ZNF787: variants seen among roughly 807,000 people sequenced by gnomAD.
ZNF787 encodes the protein TTF-I-interacting peptide 20.
ZNF787 carries 7 observed loss-of-function variants against 16.9 expected under a neutral mutation model. The ratio of observed to expected loss-of-function variants is 0.42; its 90% CI spans 0.24 to 0.78. ZNF787 has a LOEUF of 0.78. Ranked by LOEUF, ZNF787 falls within the 30% of genes least tolerant of loss-of-function variation. The probability of loss-of-function intolerance (pLI) is 0.30; values close to 1 mark genes in which losing one functional copy is unlikely to be tolerated. For synonymous variants in ZNF787, 345 were observed against 270.9 expected (o/e 1.27, Z -2.69); for missense variants, 551 against 589.3 (o/e 0.94, Z 0.67).
chr19:56,088,652 C>T lies in ZNF787; in HGVS notation c.520G>A (p.Gly174Ser), dbSNP rs781671876. 6.4e-7 allele frequency: 1 copy of T among 1,555,442 alleles called. No homozygotes were observed. Among genetic ancestry groups the T allele is most frequent in the East Asian group, 2.4e-5 (1 of 42,336 alleles). Reference protein sequence around the residue: ...SLAKHRRSHSGLKPFVCPRCG... With the variant: ...SLAKHRRSHSSLKPFVCPRCG... Reference sequence around the variant, plus strand: ...CGCGGGCACACGAAGGGCTTGAGGCCGCTGTGCGAGCGCCGGTGCTTGGCC... The same window carrying T: ...CGCGGGCACACGAAGGGCTTGAGGCTGCTGTGCGAGCGCCGGTGCTTGGCC... Residue 174 changes from glycine to serine, a missense_variant, in exon 3 of 3, where the codon GGC (glycine) becomes AGC (serine). Gly to Ser is a moderately conservative substitution (Grantham distance 56). Transcript: ENST00000610935. This position sits in a 1 kb window ranked among gnomAD's most constrained non-coding sequence, Gnocchi z 8.6.
intron 2 of ZNF787, 30 bp from the exon 3 acceptor site, chr19:56,089,122 G>T: frequency 7.1e-7 from 1 of 1,410,212 alleles, no homozygotes. Context: ...GGGGAGGTGA[G>T]TCAAGAGAGG....
intron 2 of ZNF787, among the ~76,000 whole-genome samples, chr19:56,098,539 G>A (rs904940424): frequency 4.1e-5 from 6 of 144,716 alleles, no homozygotes; most frequent in Non-Finnish European, 7.5e-5. Context: ...TGCCACCAGG[G>A]TGATATGGCC....
intron 1 of ZNF787, among the ~76,000 whole-genome samples, chr19:56,106,256 G>C (rs543568312): frequency 5.3e-5 from 8 of 152,216 alleles, no homozygotes; most frequent in Non-Finnish European, 1.0e-4. Flanking sequence ...GTGCTGCGGC[G>C]TGCCAGCGTG....
intron 2 of ZNF787, among the ~76,000 whole-genome samples, chr19:56,097,702 G>T (rs1038360755): frequency 6.6e-6 from 1 of 152,246 alleles, no homozygotes; most frequent in Admixed American, 6.5e-5. Context: ...CGGCGCGAGG[G>T]ATCAACTACC....
Position 56,102,487 on chromosome 19 carries a change from G to A in ZNF787, c.79+652C>T, listed in dbSNP as rs114543182. ...CAGGGGCCACAGTGAGGTCACCATG[G>A]GGCCTTCGCAAGCAAACCTGGGCCC... On this transcript the variant is annotated intron_variant, in intron 2 of 2. Coordinates refer to ENST00000610935, the MANE Select transcript of ZNF787 (RefSeq NM_001002836.4). 2.1e-3 allele frequency: 411 copies of A among 192,638 alleles called. 1 individual carries two copies. The highest frequency in any genetic ancestry group is 9.2e-3 in the African/African-American group (394 of 42,800). 11.9% of individuals were successfully genotyped at this position (192,638 alleles called of 1,614,324 possible).
intron 2 of ZNF787, among the ~76,000 whole-genome samples, chr19:56,098,037 G>A (rs1263178048): frequency 6.6e-6 from 1 of 151,756 alleles, no homozygotes; most frequent in Non-Finnish European, 1.5e-5. Flanking sequence ...CCCCACCCCC[G>A]ACCCAGGTCT....
intron 1 of ZNF787, among the ~76,000 whole-genome samples, chr19:56,108,464 T>C (rs2029891249): frequency 6.7e-6 from 1 of 149,444 alleles, no homozygotes; most frequent in South Asian, 2.1e-4. Flanking sequence ...AGCTGCCTCC[T>C]CTGGACTCCA....
rs145880461 is a variant in ZNF787 at position 56,089,256 on chromosome 19, A to AC, written c.80-165dup. Among the ~76,000 whole-genome samples, 792 of 152,000 alleles carry AC rather than the reference A, an allele frequency of 5.2e-3. 2 individuals are homozygous for AC. The highest frequency in any genetic ancestry group is 0.017 in the African/African-American group (718 of 41,436). ...CCCTGCATTTTACTAAGTATTTATT[A>AC]CCCCTCTCCCCAGCTAAGACCTCAG... On this transcript the variant is annotated intron_variant, in intron 2 of 2. Coordinates refer to ENST00000610935, the MANE Select transcript of ZNF787 (RefSeq NM_001002836.4).
At chr19:56,110,863 G>A (rs942042522) in intron 1 of ZNF787, among the ~76,000 whole-genome samples, 2 of 152,196 alleles carry the variant, frequency 1.3e-5, no homozygotes, top group East Asian at 1.9e-4. Flanking sequence ...CACTCAGCAG[G>A]GATCTGCCGC....
intron 2 of ZNF787, among the ~76,000 whole-genome samples, chr19:56,089,457 G>A (rs565287842): frequency 3.8e-4 from 58 of 152,278 alleles, no homozygotes; most frequent in African/African-American, 1.3e-3. Flanking sequence ...GGACGCCGGG[G>A]GCAGAGGATG....
chr19:56,088,040 CGCGGCACTCGGGG>C lies in ZNF787; in HGVS notation c.1119_1131del (p.Cys373TrpfsTer137). 1 of 1,347,048 alleles carries C rather than the reference CGCGGCACTCGGGG, an allele frequency of 7.4e-7. No individual in the cohort carries two copies. The highest frequency in any genetic ancestry group is 9.5e-7 in the Non-Finnish European group (1 of 1,051,616). The allele number at this position is 1,347,048 out of a possible 1,614,324, so 83.4% of individuals were successfully genotyped here. ...CCCCTCCCCTACCGGCCCTCCCCAC[CGCGGCACTCGGGG>C]CACCGCCCGCCCGCGGCCTCGTCGT... On this transcript the variant is annotated frameshift_variant, in exon 3 of 3. Transcript: ENST00000610935. LOFTEE classifies it high-confidence loss of function. This position sits in a 1 kb window ranked among gnomAD's most constrained non-coding sequence, Gnocchi z 8.6.
intron 1 of ZNF787, among the ~76,000 whole-genome samples, chr19:56,113,905 C>T (rs1018312344): frequency 1.3e-5 from 2 of 152,208 alleles, no homozygotes; most frequent in African/African-American, 4.8e-5. Context: ...TCTCGGCTCA[C>T]TGCAACCTTC....
intron 1 of ZNF787, among the ~76,000 whole-genome samples, chr19:56,109,503 T>C (rs2029918046): frequency 6.6e-6 from 1 of 152,214 alleles, no homozygotes; most frequent in Admixed American, 6.5e-5. Flanking sequence ...AGGATTTTAG[T>C]TACTTTTTCA....
At chr19:56,093,023 G>A (rs1252655744) in intron 2 of ZNF787, among the ~76,000 whole-genome samples, 2 of 151,492 alleles carry the variant, frequency 1.3e-5, no homozygotes, top group South Asian at 2.1e-4. Flanking sequence ...TGGCGGAAGT[G>A]GGCTACCCCA....
chr19:56,096,079 T>C (rs1985856200), intron 2 of ZNF787, among the ~76,000 whole-genome samples: 6 of 152,182 alleles, frequency 3.9e-5, no homozygotes, highest in Admixed American at 3.9e-4. Context: ...CTGTGGCTGC[T>C]CTGCCATCAC....
intron 2 of ZNF787, among the ~76,000 whole-genome samples, chr19:56,100,780 T>C (rs1448847077): frequency 0.017 from 741 of 42,354 alleles, no homozygotes; most frequent in Middle Eastern, 0.057. Flanking sequence ...ACAGGAGGAA[T>C]GCACGTAAGC....
intron 2 of ZNF787, among the ~76,000 whole-genome samples, chr19:56,100,804 C>T (rs569536688): frequency 2.3e-4 from 35 of 149,894 alleles, no homozygotes; most frequent in Middle Eastern, 3.7e-3. Context: ...ACCCCACATG[C>T]TATGGCCAGG....
At chr19:56,106,662 A>C (rs939921503) in intron 1 of ZNF787, among the ~76,000 whole-genome samples, 1 of 151,836 alleles carries the variant, frequency 6.6e-6, no homozygotes, top group Non-Finnish European at 1.5e-5. Context: ...GTTCCCCAAC[A>C]ACCTCAACAC....
intron 1 of ZNF787, among the ~76,000 whole-genome samples, chr19:56,112,898 C>T (rs952746765): frequency 1.3e-5 from 2 of 149,010 alleles, no homozygotes; most frequent in African/African-American, 5.0e-5. Context: ...CCACCCCCTC[C>T]AGCACGGAGG....
Sources: allele counts gnomAD v4.1 joint callset (sites outside exome capture counted in the v4.1 genomes callset), GRCh38; gene constraint gnomAD v4.1.1; non-coding constraint Gnocchi (gnomAD v3.1); transcripts MANE v1.5; gene names NCBI Gene and HGNC (gene_info 2026-07-23, HGNC 2026-07-21).